The following LRRC7 variants were observed in gnomAD, a reference collection of about 807,000 sequenced individuals.
LRRC7 encodes the protein leucine rich repeat containing 7.
In LRRC7, 23 loss-of-function variants were observed where a neutral mutation model predicts 175.7. The ratio of observed to expected loss-of-function variants is 0.13; its 90% CI spans 0.09 to 0.19. The LOEUF is 0.19. Ranked by LOEUF, LRRC7 falls within the 10% of genes least tolerant of loss-of-function variation. The probability of loss-of-function intolerance (pLI) is 1.00; values close to 1 mark genes in which losing one functional copy is unlikely to be tolerated. For missense variants in LRRC7, 1,354 were observed against 1,904.7 expected, an observed-to-expected ratio of 0.71 and a Z score of 5.38; for synonymous variants, 685 against 680.9, an observed-to-expected ratio of 1.01 and a Z score of -0.09.
At chr1:69,668,807 G>A (rs1177203587) in intron 1 of LRRC7, among the ~76,000 whole-genome samples, 1 of 152,148 alleles carries the variant, frequency 6.6e-6, no homozygotes, top group African/African-American at 2.4e-5. Flanking sequence ...TCCAGCATCT[G>A]TTGCTTCCTG....
intron 15 of LRRC7, among the ~76,000 whole-genome samples, chr1:70,020,436 C>T (rs956409550): frequency 6.6e-6 from 1 of 151,856 alleles, no homozygotes; most frequent in African/African-American, 2.4e-5. Context: ...TCATTGACCC[C>T]ACAATAAAAG....
chr1:69,703,071 A>C (rs1354297095), intron 2 of LRRC7, among the ~76,000 whole-genome samples: 2 of 152,072 alleles, frequency 1.3e-5, no homozygotes, highest in African/African-American at 4.8e-5. Flanking sequence ...TAATGTTTTT[A>C]GTTCTTATGA....
At chr1:70,075,943 A>C in intron 23 of LRRC7, 134 bp from the exon 24 acceptor site, 1 of 840,324 alleles carries the variant, frequency 1.2e-6, no homozygotes, top group Non-Finnish European at 1.9e-6. Context: ...CTGTTTCTTC[A>C]TTATCCTTTC....
chr1:69,765,286 C>G (rs1019352652), intron 3 of LRRC7, among the ~76,000 whole-genome samples: 4 of 152,044 alleles, frequency 2.6e-5, no homozygotes, highest in African/African-American at 7.2e-5. Context: ...AAATTATTAC[C>G]AAAGACTATG....
chr1:69,823,799 T>C (rs906093487), intron 4 of LRRC7, among the ~76,000 whole-genome samples: 18 of 152,180 alleles, frequency 1.2e-4, no homozygotes, highest in African/African-American at 4.3e-4. Context: ...ATTGCTTTTC[T>C]GTATAATCTC....
intron 7 of LRRC7, among the ~76,000 whole-genome samples, chr1:69,909,199 C>A (rs1646433116): frequency 1.3e-5 from 2 of 152,102 alleles, no homozygotes; most frequent in African/African-American, 4.8e-5. Flanking sequence ...ATACAGCACA[C>A]TGATGGGTCT....
intron 1 of LRRC7, among the ~76,000 whole-genome samples, chr1:69,676,553 C>T (rs1258007214): frequency 6.6e-6 from 1 of 152,050 alleles, no homozygotes; most frequent in East Asian, 1.9e-4. Context: ...ACAGAAAATA[C>T]TGACCACAAA....
At chr1:69,806,886 A>G (rs1048590899) in intron 4 of LRRC7, among the ~76,000 whole-genome samples, 7 of 151,956 alleles carry the variant, frequency 4.6e-5, no homozygotes, top group African/African-American at 1.7e-4. Flanking sequence ...CATCAGCTAT[A>G]ATTGCTTCAG....
chr1:69,844,148 A>G (rs774746218), intron 7 of LRRC7, among the ~76,000 whole-genome samples: 8 of 152,106 alleles, frequency 5.3e-5, no homozygotes, highest in Non-Finnish European at 1.2e-4. Flanking sequence ...CAAAAAAGTC[A>G]CTTTATTTTT....
intron 1 of LRRC7, 54 bp downstream of exon 1, chr1:69,568,695 G>T: frequency 7.8e-7 from 1 of 1,288,058 alleles, no homozygotes; most frequent in Non-Finnish European, 1.0e-6. Context: ...GCCCGGCCGC[G>T]GCGACCGTAG....
At chr1:69,568,720 G>A (rs1173108486) in intron 1 of LRRC7, 79 bp downstream of exon 1, 3 of 1,100,560 alleles carry the variant, frequency 2.7e-6, no homozygotes, top group Non-Finnish European at 3.5e-6. Context: ...GCGAGGTGTG[G>A]GACCCCAGAG....
intron 4 of LRRC7, among the ~76,000 whole-genome samples, chr1:69,824,406 C>T (rs1229006636): frequency 6.6e-6 from 1 of 152,086 alleles, no homozygotes; most frequent in African/African-American, 2.4e-5. Context: ...CTTCCAAAAA[C>T]AAGAGAAACA....
At chr1:69,931,865 A>G (rs1647416261) in intron 8 of LRRC7, among the ~76,000 whole-genome samples, 1 of 152,180 alleles carries the variant, frequency 6.6e-6, no homozygotes, top group Non-Finnish European at 1.5e-5. Flanking sequence ...CCTAATGGAA[A>G]TGAACTTAAA....
At chr1:69,746,871 C>G (rs1439777477) in intron 2 of LRRC7, among the ~76,000 whole-genome samples, 1 of 152,154 alleles carries the variant, frequency 6.6e-6, no homozygotes, top group East Asian at 1.9e-4. Flanking sequence ...AATTCATTAT[C>G]TCACAGTTCT....
At chr1:70,002,092 C>G (rs1020733369) in intron 11 of LRRC7, among the ~76,000 whole-genome samples, 1 of 152,214 alleles carries the variant, frequency 6.6e-6, no homozygotes, top group East Asian at 1.9e-4. Context: ...AGTCTAGCTG[C>G]GAAGGAGATA....
At chr1:69,834,894 G>T in intron 6 of LRRC7, 25 bp downstream of exon 6, 2 of 1,566,338 alleles carry the variant, frequency 1.3e-6, no homozygotes, top group Non-Finnish European at 1.8e-6. Context: ...TTTAAATTAT[G>T]CAATTATATC....
At chr1:69,757,747 G>A (rs956776885) in intron 2 of LRRC7, among the ~76,000 whole-genome samples, 2 of 151,778 alleles carry the variant, frequency 1.3e-5, no homozygotes, top group African/African-American at 4.8e-5. Flanking sequence ...AGTGAGAGAC[G>A]CTGGGCAACA....
rs899726993 is a variant in LRRC7 at position 69,758,090 on chromosome 1, T to G, written c.101-2101T>G. 2.6e-5 allele frequency among the ~76,000 whole-genome samples: 4 copies of G among 152,024 alleles called. No individual in the cohort carries two copies. In the East Asian group the frequency reaches 5.8e-4, roughly 22 times the overall value. On this transcript the variant is annotated intron_variant, in intron 2 of 26. Coordinates refer to ENST00000651989, the MANE Select transcript of LRRC7 (RefSeq NM_001370785.2). ...TCACAACAAACATTTACTAAGTGCCTATTATATATAATATGTTAGACACTT... is the reference window on the plus strand; with the variant it reads ...TCACAACAAACATTTACTAAGTGCCGATTATATATAATATGTTAGACACTT...
intron 1 of LRRC7, among the ~76,000 whole-genome samples, chr1:69,646,051 A>C (rs891390276): frequency 6.6e-6 from 1 of 152,136 alleles, no homozygotes; most frequent in Admixed American, 6.6e-5. Context: ...AGTTATTTAT[A>C]TGAATGATTA....
Sources: allele counts gnomAD v4.1 joint callset (sites outside exome capture counted in the v4.1 genomes callset), GRCh38; gene constraint gnomAD v4.1.1; transcripts MANE v1.5; gene names NCBI Gene and HGNC (gene_info 2026-07-23, HGNC 2026-07-21).